LOC128462377: variants seen among roughly 807,000 people sequenced by gnomAD.
At chr16:89,361,437 C>G in the LOC128462377 span, 900 of 152,408 alleles carry the variant, frequency 5.9e-3, 6 homozygotes, top group South Asian at 0.03. Flanking sequence ...TCTTCATCAT[C>G]ATTCAACTTT....
chr16:89,369,191 G>A, the LOC128462377 span, among the ~76,000 whole-genome samples: 2 of 152,152 alleles, frequency 1.3e-5, no homozygotes, highest in Non-Finnish European at 2.9e-5. Flanking sequence ...TCCCAAGAGA[G>A]AATATGAAAC....
the LOC128462377 span, among the ~76,000 whole-genome samples, chr16:89,380,671 A>G: frequency 2.6e-5 from 4 of 152,232 alleles, no homozygotes; most frequent in Admixed American, 6.5e-5. Context: ...CAGAAACTCT[A>G]GAAATAAATG....
At chr16:89,398,325 GC>G in the LOC128462377 span, among the ~76,000 whole-genome samples, 2 of 134,728 alleles carry the variant, frequency 1.5e-5, 1 homozygote. Flanking sequence ...CTGTGAAACA[GC>G]TGAAGACTAC....
the LOC128462377 span, among the ~76,000 whole-genome samples, chr16:89,330,637 G>A: frequency 7.6e-6 from 1 of 131,886 alleles, no homozygotes; most frequent in Admixed American, 8.1e-5. Context: ...CACGGCAGTA[G>A]GTTTCCCCAG....
At chr16:89,408,989 C>T in the LOC128462377 span, among the ~76,000 whole-genome samples, 2 of 152,262 alleles carry the variant, frequency 1.3e-5, no homozygotes, top group African/African-American at 4.8e-5. Flanking sequence ...GAAAAGGCGG[C>T]CCCAACCCTG....
the LOC128462377 span, among the ~76,000 whole-genome samples, chr16:89,401,475 A>T: frequency 6.6e-6 from 1 of 152,236 alleles, no homozygotes; most frequent in Non-Finnish European, 1.5e-5. Context: ...CCTTATATCC[A>T]GAGTAATCCT....
the LOC128462377 span, among the ~76,000 whole-genome samples, chr16:89,417,073 A>G: frequency 1.3e-5 from 2 of 152,144 alleles, no homozygotes; most frequent in East Asian, 3.9e-4. Flanking sequence ...ACAATTCTAG[A>G]CCTATTTTCA....
chr16:89,368,382 T>TG, the LOC128462377 span, among the ~76,000 whole-genome samples: 8 of 131,404 alleles, frequency 6.1e-5, no homozygotes, highest in African/African-American at 2.5e-4. Context: ...TTTTTTTTTT[T>TG]TTTTTTTTTT....
chr16:89,373,914 C>T, the LOC128462377 span, among the ~76,000 whole-genome samples: 1 of 152,344 alleles, frequency 6.6e-6, no homozygotes, highest in East Asian at 1.9e-4. Flanking sequence ...AGGCGGTCCA[C>T]ACGGGACAGG....
chr16:89,387,412 C>T, the LOC128462377 span, among the ~76,000 whole-genome samples: 1,455 of 152,114 alleles, frequency 9.6e-3, 29 homozygotes, highest in African/African-American at 0.033. Context: ...GTGGCTCACT[C>T]CTGTAATCCC....
the LOC128462377 span, among the ~76,000 whole-genome samples, chr16:89,337,729 T>C: frequency 6.6e-6 from 1 of 152,164 alleles, no homozygotes; most frequent in African/African-American, 2.4e-5. Context: ...CGTAAGCCAC[T>C]GTGCCCGGCC....
the LOC128462377 span, among the ~76,000 whole-genome samples, chr16:89,409,631 T>C: frequency 6.9e-3 from 1,043 of 152,226 alleles, 8 homozygotes; most frequent in Middle Eastern, 0.02. Context: ...CTGAGCAACA[T>C]AGCAAGATCC....
chr16:89,381,976 G>A, the LOC128462377 span, among the ~76,000 whole-genome samples: 4 of 152,210 alleles, frequency 2.6e-5, no homozygotes, highest in Admixed American at 2.6e-4. Context: ...AATGTAGTGT[G>A]TCTGAGATCG....
the LOC128462377 span, among the ~76,000 whole-genome samples, chr16:89,331,207 G>C: frequency 2.5e-3 from 387 of 152,326 alleles, no homozygotes; most frequent in African/African-American, 8.7e-3. Context: ...GCCTGCTTTG[G>C]ATTCCCAAAG....
chr16:89,360,347 T>C, the LOC128462377 span, among the ~76,000 whole-genome samples: 19 of 152,340 alleles, frequency 1.2e-4, no homozygotes, highest in South Asian at 4.1e-4. Flanking sequence ...TCCTCTCGAA[T>C]TGGTCTCCCA....
the LOC128462377 span, among the ~76,000 whole-genome samples, chr16:89,357,702 C>G: frequency 7.7e-4 from 118 of 152,304 alleles, no homozygotes; most frequent in African/African-American, 2.7e-3. Flanking sequence ...CTGTCACAGC[C>G]AATGCTGCGG....
chr16:89,333,309 C>T, the LOC128462377 span, among the ~76,000 whole-genome samples: 71 of 152,348 alleles, frequency 4.7e-4, 1 homozygote, highest in African/African-American at 1.4e-3. Context: ...CCTGCACCCC[C>T]GGGCTCAGCA....
chr16:89,393,046 A>G, the LOC128462377 span, among the ~76,000 whole-genome samples: 1 of 152,048 alleles, frequency 6.6e-6, no homozygotes, highest in Admixed American at 6.6e-5. Flanking sequence ...TGCAAATGCT[A>G]ACCCTCAGTG....
At chr16:89,393,065 G>A in the LOC128462377 span, among the ~76,000 whole-genome samples, 6 of 151,918 alleles carry the variant, frequency 3.9e-5, no homozygotes, top group South Asian at 2.1e-4. Flanking sequence ...TGGAGCCTCC[G>A]GCAAGCCCAG....
Sources: gnomAD v4.1 joint callset for allele counts (sites outside exome capture counted in the v4.1 genomes callset) on GRCh38, gnomAD v4.1.1 for gene constraint, MANE v1.5 for transcripts.